The following SENP6 variants were observed in gnomAD, a reference collection of about 807,000 sequenced individuals.
SENP6 encodes sentrin-specific protease 6.
Under a neutral mutation model 134.5 loss-of-function variants are expected in SENP6, and 41 were observed. That is an observed-to-expected ratio of 0.30 (90% CI 0.24 to 0.40). The LOEUF (loss-of-function observed/expected upper bound fraction) is 0.40. Ranked by LOEUF, SENP6 falls within the 10% of genes least tolerant of loss-of-function variation. SENP6 has a pLI of 1.00. For synonymous variants in SENP6, 395 were observed against 429.8 expected, an observed-to-expected ratio of 0.92 and a Z score of 1.00; for missense variants, 1,248 against 1,312.5, an observed-to-expected ratio of 0.95 and a Z score of 0.76.
chr6:75,605,868 ATAT>A (rs1422449815), intron 1 of SENP6, among the ~76,000 whole-genome samples: 1 of 152,174 alleles, frequency 6.6e-6, no homozygotes, highest in Non-Finnish European at 1.5e-5. Context: ...AATTAGGATA[ATAT>A]TGTAGTAGTC....
intron 9 of SENP6, among the ~76,000 whole-genome samples, chr6:75,663,812 T>G (rs1431372193): frequency 1.0e-5 from 1 of 100,126 alleles, no homozygotes; most frequent in African/African-American, 4.6e-5. Context: ...TAGTGGGTTT[T>G]TTTTTTTGTG....
At chr6:75,712,399 C>T (rs1378715760) in intron 21 of SENP6, among the ~76,000 whole-genome samples, 2 of 152,064 alleles carry the variant, frequency 1.3e-5, no homozygotes, top group African/African-American at 4.8e-5. Flanking sequence ...TAGATCACTT[C>T]CAGACACAGT....
intron 16 of SENP6, among the ~76,000 whole-genome samples, chr6:75,687,428 C>G (rs1193465783): frequency 3.3e-5 from 5 of 152,206 alleles, no homozygotes; most frequent in Non-Finnish European, 5.9e-5. Flanking sequence ...CTCCGTCCAG[C>G]TTTGTTCCGT....
At chr6:75,673,945 C>T (rs534830446) in intron 11 of SENP6, among the ~76,000 whole-genome samples, 33 of 151,876 alleles carry the variant, frequency 2.2e-4, no homozygotes, top group African/African-American at 6.5e-4. Context: ...CACTTGAACC[C>T]GGGAGGTGGA....
At chr6:75,635,489 A>G (rs1769441722) in intron 5 of SENP6, among the ~76,000 whole-genome samples, 1 of 152,178 alleles carries the variant, frequency 6.6e-6, no homozygotes, top group Admixed American at 6.5e-5. Flanking sequence ...TTAAAAATGT[A>G]ATATCTAGAC....
At position 75,640,690 on chromosome 6, in the gene SENP6, G is replaced by A. The variant is rs1437074214; in HGVS notation, c.465G>A (p.Leu155=). The change falls in exon 6 of 24, where the codon CTG becomes CTA. Residue 155 remains leucine (L), a synonymous_variant. Coordinates refer to ENST00000447266, the MANE Select transcript of SENP6 (RefSeq NM_015571.4). ...PVVKTAAQSS[L]DRKERKEYPP... The stretch of plus-strand genomic sequence containing the variant: ...TTCTTTTTCATGTTTTAAGCAGTCT[G>A]GACCGAAAAGAAAGGTAAGCTTAAT... 1 of 1,525,208 alleles carries A rather than the reference G, an allele frequency of 6.6e-7. No individual in the cohort carries two copies. The highest frequency in any genetic ancestry group is 1.9e-5 in the Admixed American group (1 of 53,164). 94.5% of individuals were successfully genotyped at this position (1,525,208 alleles called of 1,614,324 possible).
chr6:75,637,304 G>A (rs7753896), intron 5 of SENP6, among the ~76,000 whole-genome samples: 40,675 of 152,020 alleles, frequency 0.27, 6,331 homozygotes, highest in Non-Finnish European at 0.37. Flanking sequence ...TGAGTAATTC[G>A]TAGTTCTTTA....
chr6:75,610,580 A>G (rs1278825386), intron 1 of SENP6, among the ~76,000 whole-genome samples: 2 of 152,200 alleles, frequency 1.3e-5, no homozygotes, highest in Non-Finnish European at 2.9e-5. Flanking sequence ...TGTACTTCCC[A>G]GAATCTTCTG....
chr6:75,694,732 G>A lies in SENP6; in HGVS notation c.2076-1072G>A, dbSNP rs1774535187. On this transcript the variant is annotated intron_variant, in intron 16 of 23. Transcript: ENST00000447266. The stretch of plus-strand genomic sequence containing the variant: ...GTATTATCACTTCATTTCTATTTCA[G>A]ATATTTCATTGTATAAATGTAACAC... Among the ~76,000 whole-genome samples, 9 of 152,214 alleles carry A rather than the reference G, an allele frequency of 5.9e-5. No individual in the cohort carries two copies. The South Asian group carries it at 1.9e-3, about 32-fold the overall frequency.
At chr6:75,686,083 A>G (rs1426357937) in intron 16 of SENP6, among the ~76,000 whole-genome samples, 2 of 149,160 alleles carry the variant, frequency 1.3e-5, no homozygotes, top group South Asian at 2.1e-4. Flanking sequence ...GTGCTCCTGT[A>G]TTGGGTGCAT....
intron 8 of SENP6, among the ~76,000 whole-genome samples, chr6:75,660,599 T>TAA (rs1771698119): frequency 6.6e-6 from 1 of 152,148 alleles, no homozygotes; most frequent in Non-Finnish European, 1.5e-5. Flanking sequence ...CTCTGCTTTT[T>TAA]AGTATAACAA....
At chr6:75,602,659 C>G in intron 1 of SENP6, 83 bp downstream of exon 1, 2 of 1,394,878 alleles carry the variant, frequency 1.4e-6, no homozygotes, top group African/African-American at 2.9e-5. Context: ...ATTCAGTTAT[C>G]TGCGCTGGGT....
At chr6:75,638,608 ATATATATATATATATTTTTT>A (rs1561992739) in intron 5 of SENP6, among the ~76,000 whole-genome samples, 1 of 43,584 alleles carries the variant, frequency 2.3e-5, no homozygotes, top group African/African-American at 9.1e-5. Context: ...ATATATATAT[ATATATATATATATATTTTTT>A]TTTTTTTTTT....
chr6:75,676,922 C>T lies in SENP6; in HGVS notation c.1622-108C>T, dbSNP rs1186240986. On this transcript the variant is annotated intron_variant, in intron 13 of 23. Coordinates refer to ENST00000447266, the MANE Select transcript of SENP6 (RefSeq NM_015571.4). ...TCAGACATTGTTGTGGACCTTTATA[C>T]TGGGATTTCTGATTATCCTCCTGGA... The T allele has an allele frequency of 3.6e-5, 23 of 637,474 alleles. No individual in the cohort carries two copies. In the Admixed American group the frequency reaches 3.9e-4, roughly 11 times the overall value. 39.5% of individuals were successfully genotyped at this position (637,474 alleles called of 1,614,324 possible).
chr6:75,709,694 ACATGGTGGTG>A (rs1347299257), intron 20 of SENP6, 64 bp downstream of exon 20: 1 of 1,173,040 alleles, frequency 8.5e-7, no homozygotes, highest in Non-Finnish European at 1.3e-6. Context: ...TTCTTGCTGA[ACATGGTGGTG>A]CACACCTGTA....
intron 16 of SENP6, among the ~76,000 whole-genome samples, chr6:75,690,716 GA>G (rs1774179067): frequency 7.0e-6 from 1 of 143,442 alleles, no homozygotes; most frequent in Non-Finnish European, 1.5e-5. Flanking sequence ...TTTTTGAGAT[GA>G]GAGTCTCGCT....
chr6:75,604,419 G>T (rs1287290605), intron 1 of SENP6, among the ~76,000 whole-genome samples: 1 of 152,176 alleles, frequency 6.6e-6, no homozygotes, highest in African/African-American at 2.4e-5. Context: ...ATCACTTGAG[G>T]CCAGGAATTG....
chr6:75,708,894 AAAAAAT>A (rs1406463515), intron 19 of SENP6, among the ~76,000 whole-genome samples: 1 of 152,204 alleles, frequency 6.6e-6, no homozygotes, highest in Non-Finnish European at 1.5e-5. Context: ...ACCCCGTCTC[AAAAAAT>A]AAAAATAAAT....
chr6:75,660,603 A>G (rs1442545786), intron 8 of SENP6, among the ~76,000 whole-genome samples: 1 of 151,972 alleles, frequency 6.6e-6, no homozygotes, highest in East Asian at 1.9e-4. Context: ...GCTTTTTAGT[A>G]TAACAAGATG....
Sources: allele counts gnomAD v4.1 joint callset (sites outside exome capture counted in the v4.1 genomes callset), GRCh38; gene constraint gnomAD v4.1.1; transcripts MANE v1.5; gene names NCBI Gene and HGNC (gene_info 2026-07-23, HGNC 2026-07-21).